BBS4: variants seen among roughly 807,000 people sequenced by gnomAD.
BBS4 encodes the protein Bardet-Biedl syndrome 4.
Under a neutral mutation model 71.4 loss-of-function variants are expected in BBS4, and 58 were observed. The ratio of observed to expected loss-of-function variants is 0.81; its 90% confidence interval spans 0.66 to 1.01. BBS4 has a LOEUF of 1.01. Among genes scored for constraint, BBS4 ranks in the 50% least tolerant of loss-of-function variants. The pLI, the probability that BBS4 is intolerant of heterozygous loss-of-function variation, is 0.00. For missense variants in BBS4, 660 were observed against 607.9 expected, an observed-to-expected ratio of 1.09 and a Z score of -0.90; for synonymous variants, 228 against 216.8, an observed-to-expected ratio of 1.05 and a Z score of -0.46.
rs886051468 is a variant in BBS4 at position 72,737,500 on chromosome 15, C to T, written c.1473C>T (p.Phe491=). Residue 491 remains phenylalanine (F), a synonymous_variant, in exon 16 of 16, where the codon TTC becomes TTT. Coordinates refer to ENST00000268057, the MANE Select transcript of BBS4 (RefSeq NM_033028.5). ...LPSGAGGTSQ[F]TKPPSLPLEP... The stretch of plus-strand genomic sequence containing the variant: ...TAGGTGCTGGAGGAACATCCCAGTT[C>T]ACAAAGCCCCCATCTCTTCCTCTGG... The T allele has an allele frequency of 1.9e-6, 3 of 1,612,874 alleles. No homozygotes were observed. In the African/African-American group the frequency reaches 4.0e-5, roughly 21 times the overall value.
chr15:72,705,973 T>C (rs1338787255), intron 2 of BBS4, among the ~76,000 whole-genome samples: 1 of 152,170 alleles, frequency 6.6e-6, no homozygotes, highest in Non-Finnish European at 1.5e-5. Context: ...CTTAGTGATA[T>C]ACTAAGTATC....
intron 1 of BBS4, among the ~76,000 whole-genome samples, chr15:72,694,608 A>AC (rs1278710605): frequency 2.0e-5 from 3 of 152,162 alleles, no homozygotes; most frequent in Non-Finnish European, 4.4e-5. Context: ...GTATCCAGAA[A>AC]CTAAGGATTG....
intron 1 of BBS4, among the ~76,000 whole-genome samples, chr15:72,694,225 C>T (rs1376037520): frequency 7.0e-6 from 1 of 143,588 alleles, no homozygotes; most frequent in Non-Finnish European, 1.5e-5. Flanking sequence ...TAGTCTTGCT[C>T]TGTTGCCCAG....
In BBS4 at chr15:72,716,848, T is replaced by G. The variant is rs768304898; in HGVS notation, c.403T>G (p.Trp135Gly). 3.1e-6 allele frequency: 5 copies of G among 1,606,738 alleles called. No homozygotes were observed. The African/African-American group carries it at 5.3e-5, about 17-fold the overall frequency. Residue 135 changes from tryptophan to glycine, a missense_variant and splice_region_variant, in exon 6 of 16, where the codon TGG (tryptophan) becomes GGG (glycine). By Grantham distance (184) the Trp-to-Gly change is radical. Transcript: ENST00000268057. ...AGCAGCTAAACTCAACCAGAAAGAT[T>G]GGGTAAGTAGAGAACTTTCAGTTCT... ...NEAAKLNQKDWEISHNLGVCY... is the reference protein window; with the variant it reads ...NEAAKLNQKDGEISHNLGVCY...
At chr15:72,699,910 T>C (rs1012117617) in intron 2 of BBS4, among the ~76,000 whole-genome samples, 1 of 152,224 alleles carries the variant, frequency 6.6e-6, no homozygotes, top group African/African-American at 2.4e-5. Flanking sequence ...TTGCAATGTT[T>C]CCAGTTTTTG....
intron 2 of BBS4, among the ~76,000 whole-genome samples, chr15:72,709,206 C>T (rs923152201): frequency 1.2e-4 from 19 of 152,142 alleles, no homozygotes; most frequent in Non-Finnish European, 2.5e-4. Context: ...ACGGTCCTAC[C>T]GATATATGTG....
chr15:72,698,138 T>C, intron 2 of BBS4: 1 of 431,482 alleles, frequency 2.3e-6, no homozygotes, highest in Non-Finnish European at 4.8e-6. Context: ...AGGATGAGTT[T>C]TGTCCACAAC....
In BBS4 at chr15:72,716,823, A is replaced by T; in HGVS notation, c.378A>T (p.Glu126Asp). Reference protein sequence around the residue: ...KHKAAIEVYNEAAKLNQKDWE... With the variant: ...KHKAAIEVYNDAAKLNQKDWE... ...AAGCTGCCATTGAAGTATATAATGA[A>T]GCAGCTAAACTCAACCAGAAAGATT... Residue 126 changes from glutamate (E) to aspartate (D), a missense_variant, in exon 6 of 16, where the codon GAA (glutamate) becomes GAT (aspartate). Physicochemically the swap from Glu to Asp is conservative, Grantham distance 45 (BLOSUM62 2). Coordinates refer to ENST00000268057, the MANE Select transcript of BBS4 (RefSeq NM_033028.5). 1 of 1,610,878 alleles carries T rather than the reference A, an allele frequency of 6.2e-7. No homozygotes were observed. The highest frequency in any genetic ancestry group is 8.5e-7 in the Non-Finnish European group (1 of 1,178,512).
intron 12 of BBS4, among the ~76,000 whole-genome samples, chr15:72,732,218 TATC>T (rs1447718898): frequency 6.6e-6 from 1 of 152,206 alleles, no homozygotes. Context: ...GGTCTATTAT[TATC>T]AATATTGTTG....
At chr15:72,723,455 C>A (rs1002437868) in intron 7 of BBS4, among the ~76,000 whole-genome samples, 1 of 152,136 alleles carries the variant, frequency 6.6e-6, no homozygotes, top group African/African-American at 2.4e-5. Flanking sequence ...TTACTGAGAG[C>A]TCTAAAACTT....
At chr15:72,703,932 T>C (rs1171501694) in intron 2 of BBS4, among the ~76,000 whole-genome samples, 10 of 152,224 alleles carry the variant, frequency 6.6e-5, no homozygotes. Flanking sequence ...TTGAAATTCT[T>C]CTAAGAGAAT....
chr15:72,732,707 G>A (rs2065848889), intron 12 of BBS4, among the ~76,000 whole-genome samples: 2 of 152,256 alleles, frequency 1.3e-5, no homozygotes. Context: ...CCACTGGAAA[G>A]ATAGTCTGTT....
At chr15:72,730,353 T>G (rs1420996596) in intron 10 of BBS4, among the ~76,000 whole-genome samples, 1 of 151,976 alleles carries the variant, frequency 6.6e-6, no homozygotes, top group African/African-American at 2.4e-5. Context: ...TCCCAGCACT[T>G]TGGAATGCTG....
chr15:72,713,163 T>TA (rs983766502), intron 4 of BBS4, among the ~76,000 whole-genome samples: 5 of 152,062 alleles, frequency 3.3e-5, no homozygotes, highest in African/African-American at 1.2e-4. Flanking sequence ...CCCTTTATGC[T>TA]ATTCTTAAAA....
At chr15:72,698,289 AG>A (rs1595909904) in intron 2 of BBS4, among the ~76,000 whole-genome samples, 2 of 152,306 alleles carry the variant, frequency 1.3e-5, no homozygotes, top group East Asian at 3.9e-4. Context: ...AGTGGCATTA[AG>A]TACATTTACA....
chr15:72,720,921 A>G (rs150828984), intron 6 of BBS4, among the ~76,000 whole-genome samples: 92 of 152,322 alleles, frequency 6.0e-4, no homozygotes, highest in Middle Eastern at 3.4e-3. Flanking sequence ...CTTCTCAACT[A>G]TCTATGTCAA....
At chr15:72,706,497 G>A (rs1303797682) in intron 2 of BBS4, among the ~76,000 whole-genome samples, 2 of 152,080 alleles carry the variant, frequency 1.3e-5, no homozygotes, top group Admixed American at 6.5e-5. Context: ...CTTTAAGCTT[G>A]GTGACTCGTG....
intron 1 of BBS4, among the ~76,000 whole-genome samples, chr15:72,693,937 T>A (rs2065029859): frequency 6.6e-6 from 1 of 152,026 alleles, no homozygotes. Flanking sequence ...CAAGCTGGAG[T>A]GCAGTGGTGT....
At chr15:72,716,031 C>A (rs2065463248) in intron 5 of BBS4, among the ~76,000 whole-genome samples, 1 of 152,134 alleles carries the variant, frequency 6.6e-6, no homozygotes, top group Non-Finnish European at 1.5e-5. Flanking sequence ...CTCCATGGAA[C>A]AGAGTAAGTG....
Sources: allele counts gnomAD v4.1 joint callset (sites outside exome capture counted in the v4.1 genomes callset), GRCh38; gene constraint gnomAD v4.1.1; transcripts MANE v1.5; gene names NCBI Gene and HGNC (gene_info 2026-07-23, HGNC 2026-07-21).